LANCL3: variants seen among roughly 807,000 people sequenced by gnomAD.
LANCL3 encodes the protein LanC like family member 3.
LANCL3 carries 19 observed loss-of-function variants against 26.5 expected under a neutral mutation model. That is an observed-to-expected ratio of 0.72 (90% CI 0.50 to 1.05). The LOEUF (loss-of-function observed/expected upper bound fraction) is 1.05, where lower values mean the gene tolerates loss of function less well. LANCL3 is among the 50% of genes least tolerant of loss of function. LANCL3 has a pLI of 0.00. For synonymous variants in LANCL3, 160 were observed against 166.6 expected (o/e 0.96, Z 0.30); for missense variants, 318 against 362.7 (o/e 0.88, Z 1.00).
At chrX:37,634,031 C>G (rs1011765627) in intron 1 of LANCL3, among the ~76,000 whole-genome samples, 1 of 112,693 alleles carries the variant, frequency 8.9e-6, no homozygotes, top group African/African-American at 3.2e-5. Flanking sequence ...ACCCTGCCCC[C>G]AGAGGTGGAG....
chrX:37,609,564 C>G (rs1569464185), intron 1 of LANCL3, among the ~76,000 whole-genome samples: 1 of 111,692 alleles, frequency 9.0e-6, no homozygotes, highest in East Asian at 2.8e-4. Flanking sequence ...CACATGGGTC[C>G]TTGAATTTAT....
chrX:37,602,778 G>A (rs782696871), intron 1 of LANCL3, among the ~76,000 whole-genome samples: 1 of 111,022 alleles, frequency 9.0e-6, no homozygotes, highest in Non-Finnish European at 1.9e-5. Context: ...GGTTGGAGGG[G>A]TGATTTTTTT....
At chrX:37,582,424 C>G (rs1271686007) in intron 1 of LANCL3, among the ~76,000 whole-genome samples, 7 of 111,816 alleles carry the variant, frequency 6.3e-5, no homozygotes, top group Non-Finnish European at 1.3e-4. Flanking sequence ...TCCTGTTTCC[C>G]CACATGCTCT....
intron 1 of LANCL3, among the ~76,000 whole-genome samples, chrX:37,606,658 G>A (rs949577125): frequency 9.0e-6 from 1 of 111,252 alleles, no homozygotes; most frequent in Non-Finnish European, 1.9e-5. Flanking sequence ...CCACACAAAG[G>A]AGGAACAAAC....
intron 1 of LANCL3, among the ~76,000 whole-genome samples, chrX:37,577,216 G>T (rs1175687592): frequency 8.9e-6 from 1 of 112,646 alleles, no homozygotes; most frequent in African/African-American, 3.2e-5. Flanking sequence ...CTCCTTGTCA[G>T]TCTGGTGAAA....
At chrX:37,666,371 T>C (rs1188050198) in intron 3 of LANCL3, among the ~76,000 whole-genome samples, 1 of 112,234 alleles carries the variant, frequency 8.9e-6, no homozygotes, top group Non-Finnish European at 1.9e-5. Context: ...AGAAAATATT[T>C]ACATTACTAT....
intron 1 of LANCL3, among the ~76,000 whole-genome samples, chrX:37,625,192 A>C (rs1602113157): frequency 8.9e-6 from 1 of 111,920 alleles, no homozygotes; most frequent in Non-Finnish European, 1.9e-5. Flanking sequence ...ATGAACTTCA[A>C]AACACTGTTT....
At chrX:37,671,008 AAC>A (rs1233243039) in intron 4 of LANCL3, among the ~76,000 whole-genome samples, 1 of 111,521 alleles carries the variant, frequency 9.0e-6, no homozygotes, top group African/African-American at 3.2e-5. Context: ...AAGCTTTTAA[AAC>A]ACACATCACT....
intron 1 of LANCL3, among the ~76,000 whole-genome samples, chrX:37,642,335 A>G (rs1029368543): frequency 8.9e-6 from 1 of 111,919 alleles, no homozygotes; most frequent in Non-Finnish European, 1.9e-5. Context: ...AAGTAACCCA[A>G]TGAACAGTGA....
chrX:37,676,339 T>C lies in LANCL3; in HGVS notation c.*526T>C, dbSNP rs1926806436. 1 of 112,379 alleles carries C rather than the reference T, an allele frequency of 8.9e-6. No homozygotes were observed. The highest frequency in any genetic ancestry group is 1.9e-5 in the Non-Finnish European group (1 of 53,255). 9.3% of individuals were successfully genotyped at this position (112,379 alleles called of 1,213,427 possible). ...CTGTGCTTATACTTATTGAAATTTA[T>C]GGTTTTTACTGAGCAAAGATATTTG... On this transcript the variant is annotated 3_prime_UTR_variant, in exon 5 of 5. Transcript: ENST00000378619.
At chrX:37,629,773 A>G (rs1330297078) in intron 1 of LANCL3, among the ~76,000 whole-genome samples, 1 of 110,935 alleles carries the variant, frequency 9.0e-6, no homozygotes, top group Non-Finnish European at 1.9e-5. Flanking sequence ...ATGTGGTGTT[A>G]TTTCTGAGGG....
rs1319136865 is a variant in LANCL3 at position 37,571,911 on chromosome X, A to T, written c.41A>T (p.Tyr14Phe). The T allele has an allele frequency of 7.5e-6, 9 of 1,206,098 alleles. No individual in the cohort carries two copies. The highest frequency in any genetic ancestry group is 1.0e-5 in the Non-Finnish European group (9 of 894,042). Residue 14 changes from tyrosine to phenylalanine, a missense_variant, in exon 1 of 5, where the codon TAC becomes TTC. Transcript: ENST00000378619. ...TGCTTCGCCAATCGCTTCGATGACT[A>T]CCAGGGCAGCCTGCTGGCGGGCCAG... ...KRCFANRFDD[Y>F]QGSLLAGQCE...
At chrX:37,590,131 T>A (rs1556418710) in intron 1 of LANCL3, among the ~76,000 whole-genome samples, 1 of 112,666 alleles carries the variant, frequency 8.9e-6, no homozygotes, top group Non-Finnish European at 1.9e-5. Context: ...ATATAGGTGA[T>A]GTTGGAATAT....
At chrX:37,662,509 G>T (rs782426384) in intron 3 of LANCL3, among the ~76,000 whole-genome samples, 2 of 111,600 alleles carry the variant, frequency 1.8e-5, no homozygotes, top group African/African-American at 6.5e-5. Context: ...TCTGTAGTGC[G>T]CACTGTACAA....
At chrX:37,599,298 T>G (rs1193288700) in intron 1 of LANCL3, among the ~76,000 whole-genome samples, 1 of 112,604 alleles carries the variant, frequency 8.9e-6, no homozygotes, top group African/African-American at 3.2e-5. Context: ...CAAGACTATT[T>G]CTTCACCAAT....
At chrX:37,643,892 G>A (rs782713432) in intron 1 of LANCL3, among the ~76,000 whole-genome samples, 6 of 111,537 alleles carry the variant, frequency 5.4e-5, no homozygotes, top group Non-Finnish European at 7.5e-5. Context: ...GCTAGGAACC[G>A]TGCTAAGTAT....
At chrX:37,578,057 C>T (rs1726237696) in intron 1 of LANCL3, among the ~76,000 whole-genome samples, 1 of 112,288 alleles carries the variant, frequency 8.9e-6, no homozygotes, top group African/African-American at 3.2e-5. Context: ...GTTTTCTCTG[C>T]TATTCTCAGT....
At chrX:37,668,074 G>C (rs185904095) in intron 4 of LANCL3, among the ~76,000 whole-genome samples, 78 of 109,493 alleles carry the variant, frequency 7.1e-4, no homozygotes, top group African/African-American at 2.5e-3. Flanking sequence ...AGATTTGAAG[G>C]GTCAAATTTC....
At chrX:37,635,746 AAT>A (rs75579938) in intron 1 of LANCL3, among the ~76,000 whole-genome samples, 31 of 109,484 alleles carry the variant, frequency 2.8e-4, no homozygotes, top group Middle Eastern at 4.8e-3. Context: ...AACTATATTT[AAT>A]ATATATATAT....
Sources: gnomAD v4.1 joint callset for allele counts (sites outside exome capture counted in the v4.1 genomes callset) on GRCh38, gnomAD v4.1.1 for gene constraint, MANE v1.5 for transcripts, NCBI Gene and HGNC (gene_info 2026-07-23, HGNC 2026-07-21) for gene names.